Variants in PSAP observed in about 807,000 individuals in gnomAD.
PSAP encodes precursor of saposins.
In PSAP, 25 loss-of-function variants were observed where a neutral mutation model predicts 66.0. The ratio of observed to expected loss-of-function variants is 0.38; its 90% CI spans 0.28 to 0.53. The LOEUF (loss-of-function observed/expected upper bound fraction) is 0.53, where lower values mean the gene tolerates loss of function less well. Ranked by LOEUF, PSAP falls within the 20% of genes least tolerant of loss-of-function variation. The pLI is 0.83. For missense variants in PSAP, 649 were observed against 668.8 expected (o/e 0.97, Z 0.33); for synonymous variants, 273 against 258.9 (o/e 1.05, Z -0.52).
intron 1 of PSAP, among the ~76,000 whole-genome samples, chr10:71,843,728 G>C (rs2133065348): frequency 6.6e-6 from 1 of 152,302 alleles, no homozygotes; most frequent in East Asian, 1.9e-4. Context: ...AGAGATTAAG[G>C]AGACCTGACA....
chr10:71,838,272 G>A (rs1410860301), intron 1 of PSAP, among the ~76,000 whole-genome samples: 1 of 152,208 alleles, frequency 6.6e-6, no homozygotes, highest in Non-Finnish European at 1.5e-5. Flanking sequence ...AGACTCAAAG[G>A]GAAAACAGAA....
chr10:71,826,532 CTT>C (rs1842401456), intron 6 of PSAP, among the ~76,000 whole-genome samples: 1 of 152,166 alleles, frequency 6.6e-6, no homozygotes, highest in East Asian at 1.9e-4. Flanking sequence ...GATTCCTAGG[CTT>C]TCAAAATGAA....
intron 4 of PSAP, 64 bp from the exon 5 acceptor site, chr10:71,829,141 C>G: frequency 2.1e-6 from 3 of 1,456,428 alleles, no homozygotes; most frequent in South Asian, 2.3e-5. Flanking sequence ...GACAGGCCAT[C>G]TAGTGCCTCT....
chr10:71,830,985 G>A, intron 4 of PSAP, 141 bp downstream of exon 4: 3 of 1,300,668 alleles, frequency 2.3e-6, no homozygotes, highest in Non-Finnish European at 3.3e-6. Flanking sequence ...AGCTATTCTG[G>A]ATGTCAAATT....
chr10:71,835,670 T>G (rs1262045626), intron 1 of PSAP, among the ~76,000 whole-genome samples: 2 of 152,062 alleles, frequency 1.3e-5, no homozygotes, highest in Non-Finnish European at 2.9e-5. Flanking sequence ...GATTCACATC[T>G]CACTTCTAGC....
intron 1 of PSAP, among the ~76,000 whole-genome samples, chr10:71,843,831 C>T (rs1215035077): frequency 6.6e-6 from 1 of 152,170 alleles, no homozygotes; most frequent in Admixed American, 6.5e-5. Context: ...AGTTTGCAAT[C>T]TAGATACTGA....
chr10:71,832,805 C>G (rs537643495), intron 2 of PSAP, among the ~76,000 whole-genome samples: 3 of 152,010 alleles, frequency 2.0e-5, no homozygotes, highest in African/African-American at 7.2e-5. Flanking sequence ...ATCACGAGGT[C>G]AGGAGTTCGA....
chr10:71,850,169 C>G (rs1362980922), intron 1 of PSAP, among the ~76,000 whole-genome samples: 2 of 152,170 alleles, frequency 1.3e-5, no homozygotes, highest in Non-Finnish European at 2.9e-5. Flanking sequence ...ATCCCCTTTC[C>G]CCTATGTTTT....
chr10:71,851,200 C>A lies in PSAP; in HGVS notation c.22G>T (p.Ala8Ser). ...GGCTTACCCGCGCCCAGGAGGCTGG[C>A]CAGGAGGAAGAGGGCGTACATAGCG... MYALFLL[A>S]SLLGAALAGP... The change falls in exon 1 of 14, where the codon GCC (alanine) becomes TCC (serine). Residue 8 changes from alanine (A) to serine (S), a missense_variant. By Grantham distance (99) the Ala-to-Ser change is moderately conservative. Transcript: ENST00000394936. 6.4e-7 allele frequency: 1 copy of A among 1,551,126 alleles called. No homozygotes were observed. The highest frequency in any genetic ancestry group is 8.7e-7 in the Non-Finnish European group (1 of 1,146,840).
chr10:71,819,726 G>A lies in PSAP; in HGVS notation c.1180C>T (p.Pro394Ser), dbSNP rs535856610. 2 of 1,614,092 alleles carry A rather than the reference G, an allele frequency of 1.2e-6. No individual in the cohort carries two copies. Among genetic ancestry groups the A allele is most frequent in the African/African-American group, 1.3e-5 (1 of 75,044 alleles). ...ACCCAGCGCTCACCGGTCAGTGCAG[G>A]CAGCCGCGTGCCAGAGCAGAGGTGC... ...MLHLCSGTRL[P>S]ALTVHVTQPK... Residue 394 changes from proline (P) to serine (S), a missense_variant, in exon 10 of 14, where the codon CCT (proline) becomes TCT (serine). Coordinates refer to ENST00000394936, the MANE Select transcript of PSAP (RefSeq NM_002778.4).
intron 6 of PSAP, 46 bp downstream of exon 6, chr10:71,827,968 C>T: frequency 6.2e-7 from 1 of 1,612,998 alleles, no homozygotes; most frequent in African/African-American, 1.3e-5. Flanking sequence ...CACAGCCCAA[C>T]TCCCAGGCCC....
intron 8 of PSAP, among the ~76,000 whole-genome samples, chr10:71,820,824 C>A (rs1000259446): frequency 6.6e-6 from 1 of 152,184 alleles, no homozygotes; most frequent in African/African-American, 2.4e-5. Context: ...TGGAACCCAC[C>A]TTTAATAAGG....
chr10:71,829,028 T>C lies in PSAP; in HGVS notation c.425A>G (p.Gln142Arg). The C allele has an allele frequency of 6.2e-7, 1 of 1,614,162 alleles. No homozygotes were observed. Among genetic ancestry groups the C allele is most frequent in the Admixed American group, 1.7e-5 (1 of 60,032 alleles). The change falls in exon 5 of 14, where the codon CAG becomes CGG. Residue 142 changes from glutamine (Q) to arginine (R), a missense_variant. By Grantham distance (43) the Gln-to-Arg change is conservative. Coordinates refer to ENST00000394936, the MANE Select transcript of PSAP (RefSeq NM_002778.4). ...GTGATTCAGCTCTGCTAGGTGCTTC[T>C]GGAGAGACTCGCAGAGGTTGAGAGC... is the stretch of plus-strand genomic sequence containing the variant. ...CSALNLCESL[Q>R]KHLAELNHQK... is the part of the protein sequence containing the mutation.
At chr10:71,849,987 G>A (rs1317336069) in intron 1 of PSAP, among the ~76,000 whole-genome samples, 1 of 151,878 alleles carries the variant, frequency 6.6e-6, no homozygotes, top group Admixed American at 6.6e-5. Context: ...CATCAGATGG[G>A]TTTTATTTGA....
At chr10:71,818,333 A>C (rs1031657460) in intron 13 of PSAP, among the ~76,000 whole-genome samples, 5 of 152,254 alleles carry the variant, frequency 3.3e-5, no homozygotes, top group African/African-American at 1.2e-4. Flanking sequence ...CAAGTCTGAC[A>C]CTGTCACAAG....
At chr10:71,831,393 G>A (rs1428294937) in intron 3 of PSAP, 142 bp from the exon 4 acceptor site, 2 of 995,126 alleles carry the variant, frequency 2.0e-6, no homozygotes, top group Non-Finnish European at 3.0e-6. Context: ...ACTTGGCCAT[G>A]TTACCTATGG....
intron 1 of PSAP, among the ~76,000 whole-genome samples, chr10:71,850,355 T>C (rs1003708016): frequency 1.3e-5 from 2 of 152,240 alleles, no homozygotes; most frequent in African/African-American, 4.8e-5. Context: ...TTTCTTTCTA[T>C]TGATTCTAGG....
rs952895906 is a variant in PSAP at position 71,820,143 on chromosome 10, G to A, written c.1005+97C>T. The A allele has an allele frequency of 3.4e-6, 4 of 1,159,974 alleles. No individual in the cohort carries two copies. The Admixed American group carries it at 5.1e-5, about 15-fold the overall frequency. 71.9% of individuals were successfully genotyped at this position (1,159,974 alleles called of 1,614,324 possible). A position where few individuals can be genotyped will look rare whatever the true frequency, so the allele number is the denominator to read the frequency against. ...GGGACATGGCTGTACACATGTCAAG[G>A]CTGGGCCAAGCCCTCTCTCCTGTGG... On this transcript the variant is annotated intron_variant, in intron 9 of 13. Coordinates refer to ENST00000394936, the MANE Select transcript of PSAP (RefSeq NM_002778.4).
chr10:71,820,486 A>G, intron 8 of PSAP, 151 bp from the exon 9 acceptor site: 2 of 717,318 alleles, frequency 2.8e-6, no homozygotes, highest in South Asian at 2.9e-5. Flanking sequence ...GTGGCTTCTA[A>G]TATCCAAGTT....
Sources: gnomAD v4.1 joint callset for allele counts (sites outside exome capture counted in the v4.1 genomes callset) on GRCh38, gnomAD v4.1.1 for gene constraint, MANE v1.5 for transcripts, NCBI Gene and HGNC (gene_info 2026-07-23, HGNC 2026-07-21) for gene names.